The following PCDH15 variants were observed in gnomAD, a reference collection of about 807,000 sequenced individuals.
PCDH15 encodes the protein protocadherin related 15.
A neutral mutation model predicts 178.5 loss-of-function variants in PCDH15; 129 were observed. The ratio of observed to expected loss-of-function variants is 0.72; its 90% CI spans 0.63 to 0.84. PCDH15 has a LOEUF of 0.84. Ranked by LOEUF, PCDH15 falls within the 40% of genes least tolerant of loss-of-function variation. The pLI is 0.00. For missense variants in PCDH15, 2,230 were observed against 2,099.9 expected (o/e 1.06, Z -1.21); for synonymous variants, 800 against 732.0 (o/e 1.09, Z -1.50).
chr10:54,115,696 T>C (rs1279582885), intron 15 of PCDH15, among the ~76,000 whole-genome samples: 1 of 152,200 alleles, frequency 6.6e-6, no homozygotes, highest in African/African-American at 2.4e-5. Context: ...TCTCCATACA[T>C]ACAATACTGC....
chr10:55,403,327 C>T (rs180893322), intron 2 of PCDH15, among the ~76,000 whole-genome samples: 1 of 151,706 alleles, frequency 6.6e-6, no homozygotes, highest in Non-Finnish European at 1.5e-5. Flanking sequence ...CATGTGGTCT[C>T]TTCACTCTGC....
At chr10:55,011,296 C>G (rs1288191086) in intron 2 of PCDH15, among the ~76,000 whole-genome samples, 2 of 151,922 alleles carry the variant, frequency 1.3e-5, no homozygotes, top group Non-Finnish European at 2.9e-5. Context: ...ATACAAATGA[C>G]CAAACTATCA....
chr10:54,421,693 T>TACATATATATATATATATATATATAC (rs1955380877), intron 3 of PCDH15, among the ~76,000 whole-genome samples: 2 of 115,908 alleles, frequency 1.7e-5, no homozygotes, highest in Non-Finnish European at 3.5e-5. Context: ...TATATATATA[T>TACATATATATATATATATATATATAC]ACACACACAC....
intron 1 of PCDH15, among the ~76,000 whole-genome samples, chr10:54,752,963 A>G (rs892770908): frequency 6.6e-6 from 1 of 152,214 alleles, no homozygotes; most frequent in African/African-American, 2.4e-5. Context: ...TTAAAACTCC[A>G]TGATCTAAAT....
intron 3 of PCDH15, among the ~76,000 whole-genome samples, chr10:54,428,980 G>A (rs10825328): frequency 0.16 from 23,918 of 152,024 alleles, 2,014 homozygotes; most frequent in Middle Eastern, 0.24. Context: ...AATTATCTGA[G>A]GATACAAACC....
intron 2 of PCDH15, among the ~76,000 whole-genome samples, chr10:55,401,105 A>C (rs1588989994): frequency 6.6e-6 from 1 of 152,240 alleles, no homozygotes; most frequent in South Asian, 2.1e-4. Flanking sequence ...CATCATTTTT[A>C]ATATTGTTTC....
At chr10:55,403,090 G>T (rs530100953) in intron 2 of PCDH15, among the ~76,000 whole-genome samples, 1 of 151,768 alleles carries the variant, frequency 6.6e-6, no homozygotes, top group Non-Finnish European at 1.5e-5. Flanking sequence ...GACTGTTAAC[G>T]GATTGAATGT....
chr10:54,554,865 G>A (rs893844338), intron 2 of PCDH15, among the ~76,000 whole-genome samples: 2 of 152,082 alleles, frequency 1.3e-5, no homozygotes, highest in African/African-American at 4.8e-5. Flanking sequence ...AACAGAATAA[G>A]CCTCTGAATA....
At chr10:54,043,958 A>G (rs1219708882) in intron 18 of PCDH15, among the ~76,000 whole-genome samples, 1 of 152,120 alleles carries the variant, frequency 6.6e-6, no homozygotes, top group Non-Finnish European at 1.5e-5. Flanking sequence ...CTCTGTACCT[A>G]TGTCCCTGCA....
At chr10:55,167,798 G>C (rs1839234245) in intron 1 of PCDH15, among the ~76,000 whole-genome samples, 1 of 152,032 alleles carries the variant, frequency 6.6e-6, no homozygotes, top group South Asian at 2.1e-4. Flanking sequence ...TACAACCAAA[G>C]TTTGGTTGTG....
intron 3 of PCDH15, among the ~76,000 whole-genome samples, chr10:54,439,024 C>T (rs1363714728): frequency 6.6e-6 from 1 of 151,888 alleles, no homozygotes; most frequent in African/African-American, 2.4e-5. Flanking sequence ...AACTATTCTT[C>T]TGTAATTTAG....
chr10:54,045,870 A>G (rs1182481739), intron 18 of PCDH15, among the ~76,000 whole-genome samples: 1 of 152,106 alleles, frequency 6.6e-6, no homozygotes, highest in East Asian at 1.9e-4. Flanking sequence ...CTGTGTGTCA[A>G]AAGATATCTT....
At chr10:55,283,392 G>A (rs1221023479) in intron 1 of PCDH15, among the ~76,000 whole-genome samples, 1 of 151,810 alleles carries the variant, frequency 6.6e-6, no homozygotes, top group African/African-American at 2.4e-5. Context: ...GAATTCGTGG[G>A]GAGACTGATT....
chr10:54,039,511 T>C (rs1232422507), intron 18 of PCDH15, among the ~76,000 whole-genome samples: 1 of 151,942 alleles, frequency 6.6e-6, no homozygotes, highest in Admixed American at 6.6e-5. Flanking sequence ...CCTTACTCTG[T>C]GGCAAGCTAG....
intron 2 of PCDH15, among the ~76,000 whole-genome samples, chr10:55,039,652 C>A (rs1408824749): frequency 2.0e-5 from 3 of 152,038 alleles, no homozygotes; most frequent in East Asian, 1.9e-4. Context: ...ACACACCAAG[C>A]AGATTTTCTT....
intron 4 of PCDH15, among the ~76,000 whole-genome samples, chr10:54,375,833 G>T (rs1005782865): frequency 7.6e-6 from 1 of 132,410 alleles, no homozygotes; most frequent in Non-Finnish European, 1.6e-5. Context: ...TTTTTGAAAT[G>T]GAATATATAT....
rs531478035 is a variant in PCDH15, at chr10:54,397,635, G to A, written c.158-18693C>T. On this transcript the variant is annotated intron_variant, in intron 3 of 37. Transcript: ENST00000644397. ...ATAAATAATCACAAACATAAAATAT[G>A]AATATATGTTTCCAACAACATTGTG... Among the ~76,000 whole-genome samples, 123 of 152,030 alleles carry A rather than the reference G, an allele frequency of 8.1e-4. 1 individual carries two copies. Among genetic ancestry groups the A allele is most frequent in the African/African-American group, 2.7e-3 (112 of 41,522 alleles).
rs77514638 is a variant in PCDH15, at chr10:55,504,232, C to T, written c.-156+123393G>A. On this transcript the variant is annotated intron_variant, in intron 2 of 5. Coordinates refer to the PCDH15 transcript ENST00000613346. ...AATTAAAAAAAAATTAAAAGCACCACTCAGGTGAGGAATGTTGATAATAGG... is the reference window on the plus strand; with the variant it reads ...AATTAAAAAAAAATTAAAAGCACCATTCAGGTGAGGAATGTTGATAATAGG... 2.0e-3 allele frequency among the ~76,000 whole-genome samples: 301 copies of T among 151,330 alleles called. 1 individual carries two copies. Among genetic ancestry groups the T allele is most frequent in the African/African-American group, 6.9e-3 (285 of 41,394 alleles).
intron 16 of PCDH15, among the ~76,000 whole-genome samples, chr10:54,087,182 A>C (rs576001755): frequency 6.6e-6 from 1 of 151,408 alleles, no homozygotes; most frequent in East Asian, 1.9e-4. Context: ...GATATCATAA[A>C]ATCCACCAAT....
Sources: allele counts gnomAD v4.1 joint callset (sites outside exome capture counted in the v4.1 genomes callset), GRCh38; gene constraint gnomAD v4.1.1; transcripts MANE v1.5; gene names NCBI Gene and HGNC (gene_info 2026-07-23, HGNC 2026-07-21).